Variants in RIT2 observed in about 807,000 individuals in gnomAD.
RIT2 encodes the protein GTP-binding protein Rit2.
A neutral mutation model predicts 23.7 loss-of-function variants in RIT2; 24 were observed. The observed-to-expected ratio is 1.01, with a 90% CI of 0.73 to 1.43. The LOEUF is 1.43. Ranked by LOEUF, RIT2 falls within the 40% of genes most tolerant of loss-of-function variation. The pLI, the probability that RIT2 is intolerant of heterozygous loss-of-function variation, is 0.00. For missense variants in RIT2, 236 were observed against 266.9 expected (o/e 0.88, Z 0.81); for synonymous variants, 107 against 91.1 (o/e 1.17, Z -0.99).
intron 4 of RIT2, among the ~76,000 whole-genome samples, chr18:42,827,544 T>C (rs1906329620): frequency 6.6e-6 from 1 of 151,818 alleles, no homozygotes; most frequent in Admixed American, 6.6e-5. Flanking sequence ...AGGGAAGATA[T>C]TTCCAGCATA....
At chr18:42,803,933 A>G (rs1467091942) in intron 4 of RIT2, among the ~76,000 whole-genome samples, 4 of 152,208 alleles carry the variant, frequency 2.6e-5, no homozygotes, top group Non-Finnish European at 4.4e-5. Context: ...ACAGGTAAGT[A>G]TTGAGAAGTT....
chr18:43,007,074 T>G (rs1911245225), intron 2 of RIT2, among the ~76,000 whole-genome samples: 1 of 151,672 alleles, frequency 6.6e-6, no homozygotes. Flanking sequence ...TCATGCAAAC[T>G]AACTTTCAAG....
At chr18:42,880,576 T>G (rs1336300767) in intron 4 of RIT2, among the ~76,000 whole-genome samples, 1 of 152,154 alleles carries the variant, frequency 6.6e-6, no homozygotes, top group Non-Finnish European at 1.5e-5. Context: ...TCATTTTTTC[T>G]GTGTATTTAT....
At chr18:42,926,793 T>C (rs926293266) in intron 3 of RIT2, among the ~76,000 whole-genome samples, 1 of 151,974 alleles carries the variant, frequency 6.6e-6, no homozygotes, top group African/African-American at 2.4e-5. Flanking sequence ...ATTTGGATGA[T>C]TTTTGTTTTG....
At chr18:42,804,784 A>G (rs2622328) in intron 4 of RIT2, among the ~76,000 whole-genome samples, 148,399 of 152,022 alleles carry the variant, frequency 0.98, 72,546 homozygotes, top group Middle Eastern at 1. Flanking sequence ...TACCAGAACT[A>G]ATAACCTCTG....
At chr18:42,932,093 A>G (rs1434826113) in intron 3 of RIT2, among the ~76,000 whole-genome samples, 3 of 152,168 alleles carry the variant, frequency 2.0e-5, no homozygotes, top group Non-Finnish European at 4.4e-5. Flanking sequence ...GTCTCCAGAT[A>G]ATTATAAAAT....
At chr18:42,825,251 T>C (rs2143998906) in intron 4 of RIT2, among the ~76,000 whole-genome samples, 1 of 151,964 alleles carries the variant, frequency 6.6e-6, no homozygotes, top group East Asian at 1.9e-4. Context: ...AAAAAATACA[T>C]GAAGCCAAAT....
chr18:42,920,799 C>T lies in RIT2; in HGVS notation c.426+2773G>A, dbSNP rs558439990. 166 of 1,383,154 alleles carry T rather than the reference C, an allele frequency of 1.2e-4. No homozygotes were observed. In the African/African-American group the frequency reaches 2.0e-3, roughly 17 times the overall value. The allele number at this position is 1,383,154 out of a possible 1,614,324, so 85.7% of individuals were successfully genotyped here. A position where few individuals can be genotyped will look rare whatever the true frequency, so the allele number is the denominator to read the frequency against. ...AGAATTGCTTAGTGAGAATCCTACT[C>T]CTTTGCCTCTCACCACTAAACAATA... On this transcript the variant is annotated intron_variant, in intron 4 of 4. Coordinates refer to ENST00000326695, the MANE Select transcript of RIT2 (RefSeq NM_002930.4).
chr18:42,806,162 A>G (rs1327296965), intron 4 of RIT2, among the ~76,000 whole-genome samples: 1 of 149,510 alleles, frequency 6.7e-6, no homozygotes, highest in African/African-American at 2.4e-5. Context: ...TTCTTAAATT[A>G]AACTGGCTTT....
chr18:42,869,119 C>T (rs898740133), intron 4 of RIT2, among the ~76,000 whole-genome samples: 34 of 152,198 alleles, frequency 2.2e-4, no homozygotes, highest in African/African-American at 7.2e-4. Flanking sequence ...CAGCAGTCCC[C>T]AAACTTATTG....
At chr18:42,809,790 G>A (rs1234201515) in intron 4 of RIT2, among the ~76,000 whole-genome samples, 2 of 145,458 alleles carry the variant, frequency 1.4e-5, no homozygotes, top group Middle Eastern at 3.9e-3. Flanking sequence ...AATATCCCAA[G>A]TAAACTGATT....
At chr18:42,902,208 A>G (rs1451645341) in intron 4 of RIT2, among the ~76,000 whole-genome samples, 1 of 151,798 alleles carries the variant, frequency 6.6e-6, no homozygotes, top group Non-Finnish European at 1.5e-5. Flanking sequence ...TATGACGCAG[A>G]TAAACAGAAG....
intron 1 of RIT2, among the ~76,000 whole-genome samples, chr18:43,054,864 G>A (rs1912463317): frequency 6.6e-6 from 1 of 152,072 alleles, no homozygotes; most frequent in Non-Finnish European, 1.5e-5. Flanking sequence ...TTGTGAACCT[G>A]CAAAACCAAG....
intron 1 of RIT2, among the ~76,000 whole-genome samples, chr18:43,049,517 G>A (rs904888539): frequency 6.6e-6 from 1 of 152,032 alleles, no homozygotes; most frequent in Non-Finnish European, 1.5e-5. Context: ...TATCTTCAAG[G>A]AACTCACAGC....
intron 4 of RIT2, among the ~76,000 whole-genome samples, chr18:42,781,048 C>T (rs1160061165): frequency 1.3e-5 from 2 of 152,070 alleles, no homozygotes; most frequent in Admixed American, 1.3e-4. Context: ...AAGCACTATA[C>T]TTTACTGCTT....
intron 4 of RIT2, among the ~76,000 whole-genome samples, chr18:42,821,984 A>G (rs907443789): frequency 6.6e-6 from 1 of 152,164 alleles, no homozygotes; most frequent in Non-Finnish European, 1.5e-5. Context: ...GAGTTGTTCT[A>G]TCTAATGAGA....
At chr18:42,832,529 TTTTA>T (rs1425530701) in intron 4 of RIT2, among the ~76,000 whole-genome samples, 4 of 152,202 alleles carry the variant, frequency 2.6e-5, no homozygotes, top group East Asian at 3.8e-4. Context: ...AAATCTTATC[TTTTA>T]TTTATTTCTA....
At chr18:43,088,712 A>G (rs1254542965) in intron 1 of RIT2, among the ~76,000 whole-genome samples, 1 of 152,110 alleles carries the variant, frequency 6.6e-6, no homozygotes, top group Non-Finnish European at 1.5e-5. Flanking sequence ...CATCATTTTC[A>G]TGGCCTCCAT....
intron 2 of RIT2, among the ~76,000 whole-genome samples, chr18:42,992,312 T>G (rs1910870731): frequency 6.6e-6 from 1 of 152,132 alleles, no homozygotes; most frequent in Non-Finnish European, 1.5e-5. Context: ...CACTTTCGTT[T>G]TTTCCATCCT....
Sources: gnomAD v4.1 joint callset for allele counts (sites outside exome capture counted in the v4.1 genomes callset) on GRCh38, gnomAD v4.1.1 for gene constraint, MANE v1.5 for transcripts, NCBI Gene and HGNC (gene_info 2026-07-23, HGNC 2026-07-21) for gene names.